CCSER1: variants seen among roughly 807,000 people sequenced by gnomAD.
CCSER1 encodes the protein serine-rich coiled-coil domain-containing protein 1.
Under a neutral mutation model 82.0 loss-of-function variants are expected in CCSER1, and 41 were observed. The ratio of observed to expected loss-of-function variants is 0.50; its 90% confidence interval spans 0.39 to 0.65. The LOEUF (loss-of-function observed/expected upper bound fraction) is 0.65, where lower values mean the gene tolerates loss of function less well. CCSER1 is among the 30% of genes least tolerant of loss of function. The pLI is 0.00. For synonymous variants in CCSER1, 414 were observed against 383.9 expected (o/e 1.08, Z -0.92); for missense variants, 1,119 against 1,064.2 (o/e 1.05, Z -0.72).
At chr4:90,399,972 TA>T in intron 3 of CCSER1, 63 bp from the exon 4 acceptor site, 1 of 845,582 alleles carries the variant, frequency 1.2e-6, no homozygotes, top group South Asian at 1.7e-5. Context: ...GGCTTCCACA[TA>T]TGAGTATTTC....
At chr4:90,275,978 G>A (rs2153457017) in intron 1 of CCSER1, among the ~76,000 whole-genome samples, 1 of 152,216 alleles carries the variant, frequency 6.6e-6, no homozygotes, top group Non-Finnish European at 1.5e-5. Flanking sequence ...AATTTACAGA[G>A]AGCATTAAAA....
rs1183822137 is a variant in CCSER1, at chr4:90,604,667, AG to A, written c.1725-23357del. The stretch of plus-strand genomic sequence containing the variant: ...GGGGTCTTGGAGAACTTTTATGTCT[AG>A]CTAAAGGTTTGTAAATGCACCAATC... On this transcript the variant is annotated intron_variant, in intron 5 of 10. Transcript: ENST00000509176. 3.3e-5 allele frequency among the ~76,000 whole-genome samples: 5 copies of A among 152,186 alleles called. No individual in the cohort carries two copies. The East Asian group carries it at 9.6e-4, about 29-fold the overall frequency.
At chr4:90,263,305 C>A (rs1724666404) in intron 1 of CCSER1, among the ~76,000 whole-genome samples, 1 of 152,204 alleles carries the variant, frequency 6.6e-6, no homozygotes, top group African/African-American at 2.4e-5. Context: ...GGGGCTGCCA[C>A]ACTCTGGACT....
chr4:90,943,202 AG>A (rs1257468417), intron 9 of CCSER1, among the ~76,000 whole-genome samples: 2 of 152,118 alleles, frequency 1.3e-5, no homozygotes, highest in Non-Finnish European at 2.9e-5. Context: ...AACAACAGTA[AG>A]CTTGAAAGAA....
intron 5 of CCSER1, among the ~76,000 whole-genome samples, chr4:90,569,147 A>G (rs541277013): frequency 6.6e-6 from 1 of 152,114 alleles, no homozygotes; most frequent in East Asian, 1.9e-4. Context: ...TTTGCTTTGT[A>G]GTTAACATGA....
intron 10 of CCSER1, among the ~76,000 whole-genome samples, chr4:91,534,241 C>A (rs1057443318): frequency 1.3e-5 from 2 of 152,022 alleles, no homozygotes; most frequent in African/African-American, 4.8e-5. Context: ...CAGTTATAGT[C>A]TCTTAAATCT....
At chr4:90,321,630 A>T (rs2153487574) in intron 3 of CCSER1, among the ~76,000 whole-genome samples, 1 of 152,222 alleles carries the variant, frequency 6.6e-6, no homozygotes, top group South Asian at 2.1e-4. Flanking sequence ...TTTTTCAAGG[A>T]ATCTCCAAAA....
chr4:90,476,140 A>C (rs1279494986), intron 5 of CCSER1, among the ~76,000 whole-genome samples: 1 of 151,902 alleles, frequency 6.6e-6, no homozygotes, highest in Non-Finnish European at 1.5e-5. Flanking sequence ...ATCCCTTTGT[A>C]CCATCGCCTT....
chr4:90,539,710 G>T (rs1185086101), intron 5 of CCSER1, among the ~76,000 whole-genome samples: 2 of 152,048 alleles, frequency 1.3e-5, no homozygotes, highest in Admixed American at 6.6e-5. Flanking sequence ...TCAAAGTTTT[G>T]TAGGGACTGT....
At chr4:90,314,762 A>C (rs1320546065) in intron 3 of CCSER1, among the ~76,000 whole-genome samples, 1 of 151,672 alleles carries the variant, frequency 6.6e-6, no homozygotes, top group African/African-American at 2.4e-5. Context: ...AAGATAAATA[A>C]AAAATAAATA....
At chr4:90,183,317 T>A (rs1025099907) in intron 1 of CCSER1, among the ~76,000 whole-genome samples, 19 of 152,072 alleles carry the variant, frequency 1.2e-4, no homozygotes, top group African/African-American at 4.6e-4. Context: ...TTAACCATCT[T>A]GCAGGGGTAA....
chr4:91,290,918 G>C lies in CCSER1; in HGVS notation c.2217+204924G>C, dbSNP rs145766178. On this transcript the variant is annotated intron_variant, in intron 10 of 10. Coordinates refer to ENST00000509176, the MANE Select transcript of CCSER1 (RefSeq NM_001145065.2). Reference sequence around the variant, plus strand: ...CTAAAACAAAATAAAAGAATGTCTTGATTTTATATTTTCCTTTTAAATAAT... The same window carrying C: ...CTAAAACAAAATAAAAGAATGTCTTCATTTTATATTTTCCTTTTAAATAAT... 5.1e-3 allele frequency among the ~76,000 whole-genome samples: 775 copies of C among 151,750 alleles called. 4 individuals are homozygous for C. Among genetic ancestry groups the C allele is most frequent in the African/African-American group, 0.016 (657 of 41,462 alleles).
At chr4:91,081,819 TC>T (rs1447497475) in intron 9 of CCSER1, among the ~76,000 whole-genome samples, 16 of 152,256 alleles carry the variant, frequency 1.1e-4, no homozygotes, top group African/African-American at 3.6e-4. Context: ...CACAATTGCT[TC>T]CAAGAGAATA....
At chr4:91,148,015 C>A (rs983899364) in intron 10 of CCSER1, among the ~76,000 whole-genome samples, 2 of 151,910 alleles carry the variant, frequency 1.3e-5, no homozygotes, top group Non-Finnish European at 2.9e-5. Flanking sequence ...ATGTATCTAC[C>A]TAGAATTCAA....
At position 90,920,075 on chromosome 4, in the gene CCSER1, A is replaced by G. The variant is rs558753190; in HGVS notation, c.2095-3295A>G. On this transcript the variant is annotated intron_variant, in intron 8 of 10. Coordinates refer to ENST00000509176, the MANE Select transcript of CCSER1 (RefSeq NM_001145065.2). Reference sequence around the variant, plus strand: ...CTTCTGAGAGAGATTAGAAGAAGGAATGACAATGTCTGCTTACATGGGAGA... The same window carrying G: ...CTTCTGAGAGAGATTAGAAGAAGGAGTGACAATGTCTGCTTACATGGGAGA... Among the ~76,000 whole-genome samples, 3 of 151,986 alleles carry G rather than the reference A, an allele frequency of 2.0e-5. No homozygotes were observed. The East Asian group carries it at 5.8e-4, about 29-fold the overall frequency.
chr4:91,492,412 G>C (rs529792687), intron 10 of CCSER1, among the ~76,000 whole-genome samples: 1 of 152,028 alleles, frequency 6.6e-6, no homozygotes, highest in South Asian at 2.1e-4. Context: ...AAGTGCTCTC[G>C]GAGATCTGGG....
chr4:91,115,653 A>G (rs1343398363), intron 10 of CCSER1, among the ~76,000 whole-genome samples: 1 of 151,890 alleles, frequency 6.6e-6, no homozygotes. Context: ...TTTGCTTTCT[A>G]CTTTTGCCTG....
intron 7 of CCSER1, among the ~76,000 whole-genome samples, chr4:90,774,477 G>A (rs17245219): frequency 0.025 from 3,744 of 152,160 alleles, 75 homozygotes; most frequent in Middle Eastern, 0.065. Flanking sequence ...TAGAAAATTT[G>A]CATTGAGATT....
rs35938889 is a variant in CCSER1, at chr4:90,202,202, C to CT, written c.-42+74386dup. On this transcript the variant is annotated intron_variant, in intron 1 of 10. Transcript: ENST00000509176. ...ATTCTTGGATGTACTGTAAGTAAAA[C>CT]TTTTTTTTTTTTTTTGAGACTGAGT... is the stretch of plus-strand genomic sequence containing the variant. Among the ~76,000 whole-genome samples, 490 of 137,452 alleles carry CT rather than the reference C, an allele frequency of 3.6e-3. 3 individuals carry two copies. The highest frequency in any genetic ancestry group is 6.4e-3 in the Admixed American group (88 of 13,850). The allele number at this position is 137,452 out of a possible 152,430, so 90.2% of individuals were successfully genotyped here. A position where few individuals can be genotyped will look rare whatever the true frequency, so the allele number is the denominator to read the frequency against.
Sources: allele counts gnomAD v4.1 joint callset (sites outside exome capture counted in the v4.1 genomes callset), GRCh38; gene constraint gnomAD v4.1.1; transcripts MANE v1.5; gene names NCBI Gene and HGNC (gene_info 2026-07-23, HGNC 2026-07-21).